The following METAP1D variants were observed in gnomAD, a reference collection of about 807,000 sequenced individuals.
METAP1D encodes methionine aminopeptidase 1D, mitochondrial.
A neutral mutation model predicts 40.5 loss-of-function variants in METAP1D; 31 were observed. The observed-to-expected ratio is 0.77, with a 90% CI of 0.58 to 1.03. METAP1D has a LOEUF of 1.03. Among genes scored for constraint, METAP1D ranks in the 50% least tolerant of loss-of-function variants. METAP1D has a pLI of 0.00. For synonymous variants in METAP1D, 151 were observed against 146.4 expected (o/e 1.03, Z -0.22); for missense variants, 411 against 420.7 (o/e 0.98, Z 0.20).
At chr2:172,064,803 C>T (rs984569703) in intron 3 of METAP1D, among the ~76,000 whole-genome samples, 1 of 152,008 alleles carries the variant, frequency 6.6e-6, no homozygotes, top group Non-Finnish European at 1.5e-5. Flanking sequence ...AATAAACTTA[C>T]AACACGGCTA....
At chr2:172,057,857 T>C (rs766609064) in intron 1 of METAP1D, among the ~76,000 whole-genome samples, 26 of 152,212 alleles carry the variant, frequency 1.7e-4, no homozygotes, top group Non-Finnish European at 2.8e-4. Flanking sequence ...AGTACAGTAA[T>C]TGAGGCATAA....
intron 1 of METAP1D, among the ~76,000 whole-genome samples, chr2:172,013,349 T>TC (rs886390268): frequency 3.3e-5 from 5 of 152,130 alleles, no homozygotes; most frequent in Non-Finnish European, 7.3e-5. Context: ...GCCCCAGTTG[T>TC]CCCCTCAGCC....
chr2:172,066,503 G>A (rs1303146523), intron 5 of METAP1D, among the ~76,000 whole-genome samples, 197 bp downstream of exon 5: 5 of 152,082 alleles, frequency 3.3e-5, no homozygotes, highest in Admixed American at 6.6e-5. Flanking sequence ...TTGAATTTAG[G>A]GCTGCAATCA....
intron 1 of METAP1D, among the ~76,000 whole-genome samples, chr2:172,029,542 A>T (rs779430562): frequency 2.0e-5 from 3 of 152,246 alleles, no homozygotes; most frequent in Non-Finnish European, 2.9e-5. Context: ...CAAAAGCCTG[A>T]CTAAGAGAAA....
chr2:172,054,168 C>T (rs138164295), intron 1 of METAP1D, among the ~76,000 whole-genome samples: 1 of 152,234 alleles, frequency 6.6e-6, no homozygotes, highest in African/African-American at 2.4e-5. Context: ...AAAATGGACC[C>T]TGAGTAAGAG....
chr2:172,080,296 G>C (rs752492813), intron 9 of METAP1D, 32 bp from the exon 10 acceptor site: 4 of 1,614,042 alleles, frequency 2.5e-6, no homozygotes, highest in South Asian at 2.2e-5. Flanking sequence ...GAGCTTGCGT[G>C]CGCGTTCTGA....
chr2:172,018,740 C>G (rs1269079571), intron 1 of METAP1D, among the ~76,000 whole-genome samples: 6 of 151,946 alleles, frequency 3.9e-5, no homozygotes, highest in African/African-American at 1.4e-4. Flanking sequence ...CCCCCCATCC[C>G]CCCCTCACCC....
chr2:172,040,746 C>CTTTT lies in METAP1D; in HGVS notation c.41-20737_41-20734dup, dbSNP rs782267064. On this transcript the variant is annotated intron_variant, in intron 1 of 9. Coordinates refer to ENST00000315796, the MANE Select transcript of METAP1D (RefSeq NM_199227.3). ...ATTTGCTTTGATACATTCAGGCCCT[C>CTTTT]TTTTTTTTTTTTTTTTTTGAGATGG... Among the ~76,000 whole-genome samples, 2,900 of 117,180 alleles carry CTTTT rather than the reference C, an allele frequency of 0.025. 489 individuals are homozygous for CTTTT. The East Asian group carries it at 0.43, about 17-fold the overall frequency. 76.9% of individuals were successfully genotyped at this position (117,180 alleles called of 152,430 possible).
intron 1 of METAP1D, among the ~76,000 whole-genome samples, chr2:172,057,498 C>T (rs1690028451): frequency 6.6e-6 from 1 of 152,122 alleles, no homozygotes; most frequent in South Asian, 2.1e-4. Context: ...AGCCACCTCC[C>T]CAAAGCGTGT....
At chr2:172,023,197 A>G (rs545102513) in intron 1 of METAP1D, among the ~76,000 whole-genome samples, 1 of 152,220 alleles carries the variant, frequency 6.6e-6, no homozygotes, top group Non-Finnish European at 1.5e-5. Flanking sequence ...TCAAAAAAAA[A>G]TTGTTTGTTT....
intron 1 of METAP1D, among the ~76,000 whole-genome samples, chr2:172,036,144 CG>C (rs756918287): frequency 9.9e-5 from 15 of 151,416 alleles, no homozygotes; most frequent in African/African-American, 1.7e-4. Context: ...GGTGAAACCC[CG>C]TCTCTACTAA....
At chr2:172,017,154 C>T (rs1243061879) in intron 1 of METAP1D, among the ~76,000 whole-genome samples, 1 of 151,488 alleles carries the variant, frequency 6.6e-6, no homozygotes, top group African/African-American at 2.4e-5. Context: ...CAAGTTTCTT[C>T]TCTATCCCTT....
At chr2:172,065,778 T>A in intron 4 of METAP1D, 26 bp downstream of exon 4, 2 of 1,604,932 alleles carry the variant, frequency 1.2e-6, no homozygotes, top group Non-Finnish European at 1.7e-6. Flanking sequence ...TAACATATTG[T>A]TCCTTTGGAA....
chr2:172,009,309 C>T (rs544939390), intron 1 of METAP1D, among the ~76,000 whole-genome samples: 1 of 152,172 alleles, frequency 6.6e-6, no homozygotes, highest in South Asian at 2.1e-4. Flanking sequence ...TCCCAAAGTG[C>T]TGGGATTACA....
chr2:172,055,988 T>G (rs1689994183), intron 1 of METAP1D, among the ~76,000 whole-genome samples: 1 of 152,204 alleles, frequency 6.6e-6, no homozygotes, highest in Non-Finnish European at 1.5e-5. Context: ...CATCCAGATA[T>G]CTAGTGGAGG....
At chr2:172,011,319 CTG>C (rs1478927933) in intron 1 of METAP1D, among the ~76,000 whole-genome samples, 1 of 147,074 alleles carries the variant, frequency 6.8e-6, no homozygotes, top group Non-Finnish European at 1.5e-5. Flanking sequence ...GAGTCTCACT[CTG>C]TCGCCCAGGC....
intron 1 of METAP1D, among the ~76,000 whole-genome samples, chr2:172,016,108 C>A (rs1416942628): frequency 2.8e-4 from 36 of 128,486 alleles, no homozygotes; most frequent in Non-Finnish European, 4.1e-4. Context: ...AAAAAAAAAA[C>A]AAAAAAAGAA....
At chr2:172,058,888 A>AG (rs1690061046) in intron 1 of METAP1D, among the ~76,000 whole-genome samples, 1 of 152,180 alleles carries the variant, frequency 6.6e-6, no homozygotes, top group Admixed American at 6.5e-5. Flanking sequence ...CAAGTCAATT[A>AG]GAGATCCAGA....
chr2:172,065,473 A>G (rs1191328953), intron 3 of METAP1D, 131 bp from the exon 4 acceptor site: 10 of 894,424 alleles, frequency 1.1e-5, no homozygotes, highest in African/African-American at 1.7e-5. Context: ...ATTAATTCAA[A>G]TGTTGTACCA....
Sources: gnomAD v4.1 joint callset for allele counts (sites outside exome capture counted in the v4.1 genomes callset) on GRCh38, gnomAD v4.1.1 for gene constraint, MANE v1.5 for transcripts, NCBI Gene and HGNC (gene_info 2026-07-23, HGNC 2026-07-21) for gene names.